The following FOXN2 variants were observed in gnomAD, a reference collection of about 807,000 sequenced individuals.
FOXN2 encodes the protein forkhead box N2.
FOXN2 carries 19 observed loss-of-function variants against 41.2 expected under a neutral mutation model. The observed-to-expected ratio is 0.46, with a 90% CI of 0.32 to 0.68. The LOEUF (loss-of-function observed/expected upper bound fraction) is 0.68. Among genes scored for constraint, FOXN2 ranks in the 30% least tolerant of loss-of-function variants. FOXN2 has a pLI of 0.03. For missense variants in FOXN2, 587 were observed against 509.4 expected, an observed-to-expected ratio of 1.15 and a Z score of -1.47; for synonymous variants, 195 against 176.8, an observed-to-expected ratio of 1.10 and a Z score of -0.82.
rs1196906014 is a variant in FOXN2, at chr2:48,377,443, G to C, written c.*2000G>C. On this transcript the variant is annotated 3_prime_UTR_variant, in exon 7 of 7. Coordinates refer to ENST00000340553, the MANE Select transcript of FOXN2 (RefSeq NM_002158.4). ...ATCTGGCACCAGTTTATTTTGTTCT[G>C]CTGAAATTCTGTATCACAAATGTGC... 6.6e-6 allele frequency: 1 copy of C among 151,912 alleles called. No homozygotes were observed. Among genetic ancestry groups the C allele is most frequent in the African/African-American group, 2.4e-5 (1 of 41,400 alleles). The allele number at this position is 151,912 out of a possible 1,614,324, so 9.4% of individuals were successfully genotyped here.
At chr2:48,338,293 A>T (rs572831119) in intron 2 of FOXN2, among the ~76,000 whole-genome samples, 19 of 152,186 alleles carry the variant, frequency 1.2e-4, no homozygotes, top group Non-Finnish European at 2.8e-4. Flanking sequence ...CAAACAAAAA[A>T]CTGAGAAATG....
chr2:48,335,290 A>G (rs1558618144), intron 2 of FOXN2, among the ~76,000 whole-genome samples: 1 of 152,238 alleles, frequency 6.6e-6, no homozygotes, highest in Non-Finnish European at 1.5e-5. Context: ...TGAAAATAGT[A>G]ATTGAAATTA....
At chr2:48,369,780 T>C (rs1363874529) in intron 5 of FOXN2, among the ~76,000 whole-genome samples, 1 of 152,004 alleles carries the variant, frequency 6.6e-6, no homozygotes, top group Non-Finnish European at 1.5e-5. Context: ...TTTGGGAGCC[T>C]GAGGCGGGAG....
intron 1 of FOXN2, among the ~76,000 whole-genome samples, chr2:48,319,095 A>G (rs184960931): frequency 1.4e-4 from 22 of 152,196 alleles, no homozygotes; most frequent in Non-Finnish European, 2.9e-5. Flanking sequence ...GTTAGAAGAA[A>G]ATTCTTGCCT....
intron 3 of FOXN2, among the ~76,000 whole-genome samples, chr2:48,348,995 A>G (rs978476827): frequency 6.6e-6 from 1 of 152,212 alleles, no homozygotes; most frequent in Non-Finnish European, 1.5e-5. Context: ...CAGGTTCTGC[A>G]TGCCTGTGCT....
At chr2:48,363,264 T>TA (rs1210333336) in intron 5 of FOXN2, among the ~76,000 whole-genome samples, 2 of 152,114 alleles carry the variant, frequency 1.3e-5, no homozygotes, top group Non-Finnish European at 2.9e-5. Flanking sequence ...CTAAAAAGTT[T>TA]AAAAAAAGTT....
intron 1 of FOXN2, among the ~76,000 whole-genome samples, chr2:48,317,629 G>A (rs188374900): frequency 0.014 from 849 of 58,914 alleles, 17 homozygotes; most frequent in African/African-American, 0.043. Context: ...TTTTTTTGGT[G>A]GAGTCTGGCA....
At chr2:48,322,828 TAGG>T (rs1039386606) in intron 1 of FOXN2, among the ~76,000 whole-genome samples, 8 of 149,540 alleles carry the variant, frequency 5.3e-5, no homozygotes, top group South Asian at 4.2e-4. Context: ...TACTTTGAAA[TAGG>T]AGTTCATTTT....
chr2:48,323,622 A>T (rs979189620), intron 1 of FOXN2, among the ~76,000 whole-genome samples: 1 of 151,990 alleles, frequency 6.6e-6, no homozygotes, highest in African/African-American at 2.4e-5. Context: ...TAGGTTCTGG[A>T]TATTAGTCGT....
At chr2:48,318,158 A>G (rs1340689933) in intron 1 of FOXN2, among the ~76,000 whole-genome samples, 5 of 152,304 alleles carry the variant, frequency 3.3e-5, no homozygotes, top group Admixed American at 1.3e-4. Context: ...CTCCTGTTCA[A>G]TTTCCTACAT....
chr2:48,359,622 C>CTTTTTT (rs57182555), intron 4 of FOXN2, among the ~76,000 whole-genome samples: 33 of 150,192 alleles, frequency 2.2e-4, no homozygotes, highest in African/African-American at 4.6e-4. Context: ...CTTTTCTTTT[C>CTTTTTT]TTTTTTTAAG....
At chr2:48,373,057 G>T (rs1445362125) in intron 5 of FOXN2, among the ~76,000 whole-genome samples, 1 of 151,958 alleles carries the variant, frequency 6.6e-6, no homozygotes, top group East Asian at 1.9e-4. Context: ...ATTATTTCTG[G>T]TATCTCTCCA....
At chr2:48,369,265 G>A (rs988031899) in intron 5 of FOXN2, among the ~76,000 whole-genome samples, 3 of 152,120 alleles carry the variant, frequency 2.0e-5, no homozygotes, top group South Asian at 2.1e-4. Context: ...TAGGCCAGGC[G>A]GGGGTCTCAC....
chr2:48,327,185 AC>A (rs1244013512), intron 1 of FOXN2, among the ~76,000 whole-genome samples: 1 of 149,342 alleles, frequency 6.7e-6, no homozygotes, highest in East Asian at 1.9e-4. Context: ...GGTTTTTAAA[AC>A]AAAACAAAAC....
At chr2:48,343,114 G>A (rs1670880446) in intron 2 of FOXN2, among the ~76,000 whole-genome samples, 1 of 152,172 alleles carries the variant, frequency 6.6e-6, no homozygotes, top group African/African-American at 2.4e-5. Flanking sequence ...TTTCTTGAGC[G>A]ATTGAGAGTG....
intron 2 of FOXN2, among the ~76,000 whole-genome samples, chr2:48,329,044 C>T (rs530146385): frequency 6.6e-5 from 10 of 152,108 alleles, no homozygotes; most frequent in Middle Eastern, 3.4e-3. Context: ...TTTTGAAATC[C>T]GTGTTTCTGT....
chr2:48,351,062 G>A (rs1055834712), intron 3 of FOXN2, among the ~76,000 whole-genome samples: 4 of 150,290 alleles, frequency 2.7e-5, no homozygotes, highest in African/African-American at 9.8e-5. Flanking sequence ...GAGGGTTCAA[G>A]CAATCCTGTT....
chr2:48,359,564 G>T (rs935904799), intron 4 of FOXN2, among the ~76,000 whole-genome samples: 13 of 151,834 alleles, frequency 8.6e-5, no homozygotes, highest in South Asian at 2.1e-4. Flanking sequence ...AAAGTGCTGG[G>T]ATTACAGGCG....
chr2:48,348,694 G>A (rs1272255130), intron 3 of FOXN2, among the ~76,000 whole-genome samples: 2 of 152,220 alleles, frequency 1.3e-5, no homozygotes, highest in Non-Finnish European at 2.9e-5. Flanking sequence ...AGTGTTTGTG[G>A]TTGCAGTAAT....
Sources: allele counts gnomAD v4.1 joint callset (sites outside exome capture counted in the v4.1 genomes callset), GRCh38; gene constraint gnomAD v4.1.1; transcripts MANE v1.5; gene names NCBI Gene and HGNC (gene_info 2026-07-23, HGNC 2026-07-21).